AAK1: variants seen among roughly 807,000 people sequenced by gnomAD.
The protein encoded by AAK1 is AP2-associated protein kinase 1.
A neutral mutation model predicts 116.0 loss-of-function variants in AAK1; 37 were observed. That is an observed-to-expected ratio of 0.32 (90% CI 0.25 to 0.42). AAK1 has a LOEUF of 0.42. AAK1 is among the 10% of genes least tolerant of loss of function. The pLI is 1.00. For synonymous variants in AAK1, 458 were observed against 439.9 expected (o/e 1.04, Z -0.51); for missense variants, 919 against 1,170.6 (o/e 0.79, Z 3.14).
Position 69,472,021 on chromosome 2 carries a change from A to G in AAK1, c.*3848T>C. 1 of 985,404 alleles carries G rather than the reference A, an allele frequency of 1.0e-6. No homozygotes were observed. The highest frequency in any genetic ancestry group is 1.2e-6 in the Non-Finnish European group (1 of 829,892). The allele number at this position is 985,404 out of a possible 1,614,324, so 61.0% of individuals were successfully genotyped here. A position where few individuals can be genotyped will look rare whatever the true frequency, so the allele number is the denominator to read the frequency against. On this transcript the variant is annotated 3_prime_UTR_variant, in exon 22 of 22. Transcript: ENST00000409085. Reference sequence around the variant, plus strand: ...GGAAGAGCGAAGTCCAATATCAAATAACACTGAACAAAGTGACAACTTCTT... The same window carrying G: ...GGAAGAGCGAAGTCCAATATCAAATGACACTGAACAAAGTGACAACTTCTT...
At chr2:69,611,324 C>T (rs931331092) in intron 2 of AAK1, among the ~76,000 whole-genome samples, 4 of 152,262 alleles carry the variant, frequency 2.6e-5, no homozygotes, top group African/African-American at 9.6e-5. Context: ...GGGCATCAGA[C>T]TTCCAGATTC....
rs1413807568 is a variant in AAK1 at position 69,466,114 on chromosome 2, T to C, written c.*9755A>G. ...ACCCTTGAGCTCCTGAAGGGAGCTA[T>C]GGCAAAAACATCTGGCTCACTGAGC... On this transcript the variant is annotated 3_prime_UTR_variant, in exon 22 of 22. Coordinates refer to ENST00000409085, the MANE Select transcript of AAK1 (RefSeq NM_014911.5). 3.9e-6 allele frequency: 5 copies of C among 1,290,822 alleles called. No individual in the cohort carries two copies. In the South Asian group the frequency reaches 4.9e-5, roughly 13 times the overall value. The allele number at this position is 1,290,822 out of a possible 1,614,324, so 80.0% of individuals were successfully genotyped here.
intron 2 of AAK1, among the ~76,000 whole-genome samples, chr2:69,571,452 G>A (rs1038704527): frequency 1.3e-5 from 2 of 152,166 alleles, no homozygotes; most frequent in African/African-American, 4.8e-5. Context: ...TGGGTTCTGG[G>A]AGGTTCCCTT....
At chr2:69,634,346 T>C (rs1675355590) in intron 2 of AAK1, among the ~76,000 whole-genome samples, 1 of 152,240 alleles carries the variant, frequency 6.6e-6, no homozygotes, top group South Asian at 2.1e-4. Context: ...CAGCCACTGC[T>C]TCCTCATCTG....
chr2:69,468,823 A>T lies in AAK1; in HGVS notation c.*7046T>A. 1 of 985,432 alleles carries T rather than the reference A, an allele frequency of 1.0e-6. No homozygotes were observed. Among genetic ancestry groups the T allele is most frequent in the Non-Finnish European group, 1.2e-6 (1 of 829,938 alleles). The allele number at this position is 985,432 out of a possible 1,614,324, so 61.0% of individuals were successfully genotyped here. ...TCAGGGTTGGAGAGGATGGAAGAAC[A>T]TGTCTAACCCATCAAAATTATTTGT... On this transcript the variant is annotated 3_prime_UTR_variant, in exon 22 of 22. Transcript: ENST00000409085.
At chr2:69,539,535 G>T in intron 5 of AAK1, among the ~76,000 whole-genome samples, 1 of 152,278 alleles carries the variant, frequency 6.6e-6, no homozygotes, top group East Asian at 1.9e-4. Context: ...AAGGCCAGGG[G>T]TCAGGTCCTT....
Position 69,466,522 on chromosome 2 carries a change from C to A in AAK1, c.*9347G>T. On this transcript the variant is annotated 3_prime_UTR_variant, in exon 22 of 22. Transcript: ENST00000409085. ...TCTTTAAAGTGCTCTACAGTTATTA[C>A]AGGACAGGGATTGGACTCCCTCTGG... 1 of 1,218,150 alleles carries A rather than the reference C, an allele frequency of 8.2e-7. No individual in the cohort carries two copies. Among genetic ancestry groups the A allele is most frequent in the South Asian group, 1.4e-5 (1 of 69,336 alleles). 75.5% of individuals were successfully genotyped at this position (1,218,150 alleles called of 1,614,324 possible).
chr2:69,518,777 T>G (rs1321508684), intron 12 of AAK1, among the ~76,000 whole-genome samples, 177 bp downstream of exon 12: 5 of 151,988 alleles, frequency 3.3e-5, no homozygotes, highest in Admixed American at 3.3e-4. Flanking sequence ...ATGGCCTGAG[T>G]AAAAGGGTGA....
At position 69,471,308 on chromosome 2, in the gene AAK1, G is replaced by T. The variant is rs1209232627; in HGVS notation, c.*4561C>A. ...TCCCGTATTAGTGAAAGGAAATCTG[G>T]GAGAAGCAAAAGAGGTTTCTTGTTA... On this transcript the variant is annotated 3_prime_UTR_variant, in exon 22 of 22. Transcript: ENST00000409085. 1 of 985,272 alleles carries T rather than the reference G, an allele frequency of 1.0e-6. No homozygotes were observed. Among genetic ancestry groups the T allele is most frequent in the African/African-American group, 1.7e-5 (1 of 57,226 alleles). 61.0% of individuals were successfully genotyped at this position (985,272 alleles called of 1,614,324 possible). A position where few individuals can be genotyped will look rare whatever the true frequency, so the allele number is the denominator to read the frequency against.
chr2:69,535,775 T>C (rs1670442937), intron 5 of AAK1, among the ~76,000 whole-genome samples: 1 of 151,942 alleles, frequency 6.6e-6, no homozygotes, highest in Non-Finnish European at 1.5e-5. Flanking sequence ...CTATGCATAG[T>C]ACCAGTACTG....
rs760985947 is a variant in AAK1, at chr2:69,469,720, C to T, written c.*6149G>A. On this transcript the variant is annotated 3_prime_UTR_variant, in exon 22 of 22. Transcript: ENST00000409085. ...CTAACGTAGGGTTTTGTTATAATTC[C>T]CTCAAACTGGATCATGCCTCTTTTT... 117 of 985,302 alleles carry T rather than the reference C, an allele frequency of 1.2e-4. No individual in the cohort carries two copies. Among genetic ancestry groups the T allele is most frequent in the Non-Finnish European group, 1.4e-4 (117 of 829,942 alleles). The allele number at this position is 985,302 out of a possible 1,614,324, so 61.0% of individuals were successfully genotyped here. A position where few individuals can be genotyped will look rare whatever the true frequency, so the allele number is the denominator to read the frequency against.
Position 69,583,130 on chromosome 2 carries a change from C to T in AAK1, c.164-26152G>A, listed in dbSNP as rs562875109. Among the ~76,000 whole-genome samples the T allele has an allele frequency of 8.5e-5, 13 of 152,376 alleles. No homozygotes were observed. The East Asian group carries it at 2.3e-3, about 27-fold the overall frequency. On this transcript the variant is annotated intron_variant, in intron 2 of 21. Coordinates refer to ENST00000409085, the MANE Select transcript of AAK1 (RefSeq NM_014911.5). ...ACCTTGAGCAAGTCACTATACTTCA[C>T]TGGCCCTCAGTTTCCTTATTTATAA...
chr2:69,593,515 T>G (rs1291873237), intron 2 of AAK1, among the ~76,000 whole-genome samples: 3 of 151,654 alleles, frequency 2.0e-5, no homozygotes, highest in Non-Finnish European at 4.4e-5. Flanking sequence ...TTTTATATAA[T>G]ATGCAAATAT....
rs1195170128 is a variant in AAK1, at chr2:69,466,299, A to G, written c.*9570T>C. 7 of 1,289,598 alleles carry G rather than the reference A, an allele frequency of 5.4e-6. No homozygotes were observed. The Admixed American group carries it at 9.2e-5, about 17-fold the overall frequency. 79.9% of individuals were successfully genotyped at this position (1,289,598 alleles called of 1,614,324 possible). On this transcript the variant is annotated 3_prime_UTR_variant, in exon 22 of 22. Transcript: ENST00000409085. The stretch of plus-strand genomic sequence containing the variant: ...GCTCTCATCTTCTTCTTCAGACTCC[A>G]TAAGGAGAGGCCGAGACCCACTGCA...
In AAK1 at chr2:69,468,565, G is replaced by A; in HGVS notation, c.*7304C>T. 3.0e-6 allele frequency: 3 copies of A among 985,430 alleles called. No homozygotes were observed. Among genetic ancestry groups the A allele is most frequent in the Non-Finnish European group, 3.6e-6 (3 of 829,928 alleles). 61.0% of individuals were successfully genotyped at this position (985,430 alleles called of 1,614,324 possible). ...TTAGGGAAAAAAAATGGAAAACTTA[G>A]TCAAGCCAGTGACCAACTCTGGCAT... On this transcript the variant is annotated 3_prime_UTR_variant, in exon 22 of 22. Transcript: ENST00000409085.
At chr2:69,549,860 C>G (rs962007656) in intron 3 of AAK1, among the ~76,000 whole-genome samples, 3 of 152,144 alleles carry the variant, frequency 2.0e-5, no homozygotes, top group Non-Finnish European at 4.4e-5. Flanking sequence ...TTTATAAGAA[C>G]CATTTTGGAG....
chr2:69,539,135 C>T (rs1023093047), intron 5 of AAK1, among the ~76,000 whole-genome samples: 1 of 152,054 alleles, frequency 6.6e-6, no homozygotes, highest in Non-Finnish European at 1.5e-5. Context: ...CTCGGAGAGG[C>T]TAGTGATTTG....
intron 2 of AAK1, among the ~76,000 whole-genome samples, chr2:69,577,516 T>C (rs1182452707): frequency 6.6e-6 from 1 of 152,152 alleles, no homozygotes; most frequent in Non-Finnish European, 1.5e-5. Flanking sequence ...ACATCCCCTC[T>C]ACCCTCCATG....
Position 69,466,210 on chromosome 2 carries a change from C to A in AAK1, c.*9659G>T. 7.8e-7 allele frequency: 1 copy of A among 1,289,806 alleles called. No homozygotes were observed. The highest frequency in any genetic ancestry group is 1.0e-6 in the Non-Finnish European group (1 of 988,878). 79.9% of individuals were successfully genotyped at this position (1,289,806 alleles called of 1,614,324 possible). A position where few individuals can be genotyped will look rare whatever the true frequency, so the allele number is the denominator to read the frequency against. On this transcript the variant is annotated 3_prime_UTR_variant, in exon 22 of 22. Transcript: ENST00000409085. ...CCACCTTGCACTGTCTTTGCTTGCT[C>A]AGGAGAGACTTCTGGTGGAGCGAAT...
Sources: gnomAD v4.1 joint callset for allele counts (sites outside exome capture counted in the v4.1 genomes callset) on GRCh38, gnomAD v4.1.1 for gene constraint, MANE v1.5 for transcripts, NCBI Gene and HGNC (gene_info 2026-07-23, HGNC 2026-07-21) for gene names.